Variants in VEGFC observed in about 807,000 individuals in gnomAD.
VEGFC encodes the protein vascular endothelial growth factor C.
In VEGFC, 12 loss-of-function variants were observed where a neutral mutation model predicts 46.1. That is an observed-to-expected ratio of 0.26 (90% confidence interval 0.17 to 0.42). VEGFC has a LOEUF of 0.42. Ranked by LOEUF, VEGFC falls within the 10% of genes least tolerant of loss-of-function variation. The pLI, the probability that VEGFC is intolerant of heterozygous loss-of-function variation, is 1.00. For missense variants in VEGFC, 488 were observed against 529.4 expected (o/e 0.92, Z 0.77); for synonymous variants, 232 against 195.5 (o/e 1.19, Z -1.56).
intron 6 of VEGFC, among the ~76,000 whole-genome samples, chr4:176,684,323 G>A (rs945881692): frequency 6.6e-6 from 1 of 152,228 alleles, no homozygotes; most frequent in Non-Finnish European, 1.5e-5. Context: ...CTTCATGGGT[G>A]AAAGAAACAT....
chr4:176,757,735 A>T (rs1382669951), intron 1 of VEGFC, among the ~76,000 whole-genome samples: 1 of 151,948 alleles, frequency 6.6e-6, no homozygotes, highest in Admixed American at 6.6e-5. Context: ...TCAGGTTCCA[A>T]TTCTTTCTCA....
intron 4 of VEGFC, among the ~76,000 whole-genome samples, chr4:176,700,223 C>T (rs894031101): frequency 9.2e-5 from 14 of 152,242 alleles, no homozygotes; most frequent in Non-Finnish European, 2.1e-4. Context: ...TTGAGACAAG[C>T]CTGGCCAATA....
intron 1 of VEGFC, among the ~76,000 whole-genome samples, chr4:176,738,465 T>G (rs956582448): frequency 6.6e-6 from 1 of 152,028 alleles, no homozygotes; most frequent in Non-Finnish European, 1.5e-5. Flanking sequence ...GACTCCCTAT[T>G]TAATAAATGG....
intron 1 of VEGFC, among the ~76,000 whole-genome samples, chr4:176,730,196 T>C (rs982119119): frequency 1.3e-5 from 2 of 152,188 alleles, no homozygotes; most frequent in African/African-American, 2.4e-5. Flanking sequence ...AATTTTACTT[T>C]CATGGGAGCT....
intron 3 of VEGFC, 55 bp downstream of exon 3, chr4:176,727,723 T>C: frequency 2.0e-6 from 3 of 1,533,340 alleles, no homozygotes; most frequent in South Asian, 2.6e-5. Context: ...ATCCCCAAAG[T>C]TAAAGCTTCT....
intron 4 of VEGFC, among the ~76,000 whole-genome samples, chr4:176,702,405 C>A (rs976835401): frequency 6.6e-6 from 1 of 151,970 alleles, no homozygotes; most frequent in Non-Finnish European, 1.5e-5. Flanking sequence ...GAAATAATAC[C>A]TATCTTCTAT....
chr4:176,759,041 T>C (rs531784370), intron 1 of VEGFC, among the ~76,000 whole-genome samples: 1 of 152,270 alleles, frequency 6.6e-6, no homozygotes, highest in Non-Finnish European at 1.5e-5. Flanking sequence ...GAGTTTCCCA[T>C]TGAAAAGACT....
chr4:176,686,038 A>C (rs887497828), intron 6 of VEGFC, among the ~76,000 whole-genome samples: 1 of 152,230 alleles, frequency 6.6e-6, no homozygotes, highest in South Asian at 2.1e-4. Context: ...TCTGTTAAAA[A>C]GAACATTATC....
intron 3 of VEGFC, among the ~76,000 whole-genome samples, chr4:176,712,807 G>A (rs1043152798): frequency 1.2e-4 from 19 of 152,162 alleles, no homozygotes; most frequent in Admixed American, 1.2e-3. Flanking sequence ...ACAGAAATAT[G>A]TAAATTATAA....
chr4:176,771,864 G>A (rs1264128517), intron 1 of VEGFC, among the ~76,000 whole-genome samples: 1 of 152,108 alleles, frequency 6.6e-6, no homozygotes, highest in Non-Finnish European at 1.5e-5. Context: ...CAGGAAAGTT[G>A]GAATTATGGT....
intron 4 of VEGFC, 93 bp from the exon 5 acceptor site, chr4:176,688,020 G>T: frequency 1.6e-6 from 1 of 618,208 alleles, no homozygotes; most frequent in Non-Finnish European, 2.8e-6. Context: ...AATGCTCATA[G>T]AAAAGCTTTA....
chr4:176,691,289 T>C lies in VEGFC; in HGVS notation c.705-3362A>G, dbSNP rs190197616. Among the ~76,000 whole-genome samples, 309 of 152,362 alleles carry C rather than the reference T, an allele frequency of 2.0e-3. 1 individual carries two copies. Among genetic ancestry groups the C allele is most frequent in the African/African-American group, 7.2e-3 (299 of 41,590 alleles). The stretch of plus-strand genomic sequence containing the variant: ...TCTTCTAGTTCTGAATATTAAAGTA[T>C]GCATAAATACTTTAAAGGTTTATAA... On this transcript the variant is annotated intron_variant, in intron 4 of 6. Coordinates refer to ENST00000618562, the MANE Select transcript of VEGFC (RefSeq NM_005429.5).
At chr4:176,739,512 T>C (rs962710313) in intron 1 of VEGFC, among the ~76,000 whole-genome samples, 3 of 151,978 alleles carry the variant, frequency 2.0e-5, no homozygotes, top group Admixed American at 1.3e-4. Flanking sequence ...AAACACTGCA[T>C]GTTCTCACTT....
intron 2 of VEGFC, among the ~76,000 whole-genome samples, chr4:176,728,370 T>C (rs1734907322): frequency 1.3e-5 from 2 of 152,156 alleles, no homozygotes; most frequent in South Asian, 4.1e-4. Flanking sequence ...TCAATGCAAA[T>C]ATAAATATAA....
At chr4:176,765,131 AT>A (rs537935069) in intron 1 of VEGFC, among the ~76,000 whole-genome samples, 130 of 152,268 alleles carry the variant, frequency 8.5e-4, no homozygotes, top group African/African-American at 3.0e-3. Flanking sequence ...AAAGAATAGA[AT>A]TTATTTTACA....
chr4:176,694,454 A>G (rs1302412701), intron 4 of VEGFC, among the ~76,000 whole-genome samples: 2 of 151,872 alleles, frequency 1.3e-5, no homozygotes, highest in Non-Finnish European at 2.9e-5. Flanking sequence ...TATGCACCCA[A>G]TACAGGAGCA....
At chr4:176,747,816 T>G (rs184535876) in intron 1 of VEGFC, among the ~76,000 whole-genome samples, 23 of 152,028 alleles carry the variant, frequency 1.5e-4, no homozygotes, top group African/African-American at 5.1e-4. Flanking sequence ...AAAAATCAAG[T>G]TCTCTTTCAT....
At chr4:176,727,739 A>G in intron 3 of VEGFC, 39 bp downstream of exon 3, 1 of 1,578,116 alleles carries the variant, frequency 6.3e-7, no homozygotes, top group African/African-American at 1.4e-5. Flanking sequence ...CTTCTGATTA[A>G]GGGGGCTCTC....
Position 176,792,916 on chromosome 4 carries a change from A to G in VEGFC, c.-605T>C, listed in dbSNP as rs1736133490. 6.6e-6 allele frequency among the ~76,000 whole-genome samples: 1 copy of G among 150,434 alleles called. No homozygotes were observed. The highest frequency in any genetic ancestry group is 1.5e-5 in the Non-Finnish European group (1 of 67,254). Reference sequence around the variant, plus strand: ...CGGCGGCGGCGGCGGGCGCAGGGGCAGGGCATGACTGACGCGCCCTCTGCC... The same window carrying G: ...CGGCGGCGGCGGCGGGCGCAGGGGCGGGGCATGACTGACGCGCCCTCTGCC... On this transcript the variant is annotated 5_prime_UTR_variant, in exon 1 of 7. Transcript: ENST00000618562. This position sits in a 1 kb window ranked among gnomAD's most constrained non-coding sequence, Gnocchi z 6.3.
Sources: allele counts gnomAD v4.1 joint callset (sites outside exome capture counted in the v4.1 genomes callset), GRCh38; gene constraint gnomAD v4.1.1; non-coding constraint Gnocchi (gnomAD v3.1); transcripts MANE v1.5; gene names NCBI Gene and HGNC (gene_info 2026-07-23, HGNC 2026-07-21).